The following SGCG variants were observed in gnomAD, a reference collection of about 807,000 sequenced individuals.
The protein encoded by SGCG is sarcoglycan gamma, also known as gamma-sarcoglycan.
Under a neutral mutation model 29.3 loss-of-function variants are expected in SGCG, and 26 were observed. The observed-to-expected ratio is 0.89, with a 90% confidence interval of 0.65 to 1.23. SGCG has a LOEUF of 1.23. Ranked by LOEUF, SGCG falls within the 50% of genes most tolerant of loss-of-function variation. SGCG has a pLI of 0.00. For missense variants in SGCG, 353 were observed against 356.0 expected (o/e 0.99, Z 0.07); for synonymous variants, 145 against 129.7 (o/e 1.12, Z -0.80).
chr13:23,299,444 A>ATTTTTT (rs1566037511), intron 6 of SGCG, among the ~76,000 whole-genome samples: 3 of 5,632 alleles, frequency 5.3e-4, no homozygotes, highest in Non-Finnish European at 1.0e-3. Context: ...ATATATATAT[A>ATTTTTT]TATATATATA....
At chr13:23,260,350 G>A (rs1880376619) in intron 4 of SGCG, among the ~76,000 whole-genome samples, 1 of 152,060 alleles carries the variant, frequency 6.6e-6, no homozygotes, top group South Asian at 2.1e-4. Context: ...TATTTTATCA[G>A]AGACTAGGAT....
chr13:23,305,011 ACAC>A (rs1342745499), intron 6 of SGCG, among the ~76,000 whole-genome samples: 1 of 150,484 alleles, frequency 6.6e-6, no homozygotes, highest in African/African-American at 2.5e-5. Context: ...ACACACACAC[ACAC>A]AAGACTTTGT....
chr13:23,201,421 C>G (rs1014830339), intron 1 of SGCG, among the ~76,000 whole-genome samples: 1 of 152,004 alleles, frequency 6.6e-6, no homozygotes, highest in Non-Finnish European at 1.5e-5. Context: ...AAGGGAAAGA[C>G]CATCCTGGGT....
intron 1 of SGCG, among the ~76,000 whole-genome samples, chr13:23,194,770 C>T (rs746141923): frequency 2.9e-4 from 44 of 152,250 alleles, no homozygotes; most frequent in African/African-American, 9.1e-4. Flanking sequence ...TCCACATGAC[C>T]GATAGCTGGA....
At chr13:23,285,937 A>G (rs1243919817) in intron 5 of SGCG, among the ~76,000 whole-genome samples, 2 of 152,116 alleles carry the variant, frequency 1.3e-5, no homozygotes, top group Non-Finnish European at 2.9e-5. Context: ...CGTGGGCTGC[A>G]CCCACTGTCT....
chr13:23,320,617 G>GTTTT lies in SGCG; in HGVS notation c.579-20_579-19insTTTT. The GTTTT allele has an allele frequency of 1.4e-5, 13 of 912,338 alleles. No homozygotes were observed. The highest frequency in any genetic ancestry group is 8.2e-5 in the South Asian group (4 of 48,666). 56.5% of individuals were successfully genotyped at this position (912,338 alleles called of 1,614,324 possible). On this transcript the variant is annotated intron_variant, in intron 6 of 7. Coordinates refer to ENST00000218867, the MANE Select transcript of SGCG (RefSeq NM_000231.3). ...TAATACTTTTTTTTTTTTTTTTTGT[G>GTTTT]CTTCTTTTCCTCATCTCAGATTAGA...
chr13:23,208,208 TAGTC>T (rs1191713623), intron 2 of SGCG, among the ~76,000 whole-genome samples: 1 of 152,118 alleles, frequency 6.6e-6, no homozygotes, highest in African/African-American at 2.4e-5. Context: ...ATTCAGTTGT[TAGTC>T]AGAATATAGG....
At chr13:23,189,691 A>G (rs951785193) in intron 1 of SGCG, among the ~76,000 whole-genome samples, 1 of 152,192 alleles carries the variant, frequency 6.6e-6, no homozygotes, top group African/African-American at 2.4e-5. Context: ...GAAAACTATC[A>G]CCTTGCTTTC....
chr13:23,262,576 C>G (rs1880483715), intron 4 of SGCG, among the ~76,000 whole-genome samples: 1 of 151,966 alleles, frequency 6.6e-6, no homozygotes, highest in South Asian at 2.1e-4. Context: ...CTTCAATACT[C>G]CACTGACGGC....
intron 4 of SGCG, among the ~76,000 whole-genome samples, chr13:23,261,556 A>G (rs193115697): frequency 6.6e-6 from 1 of 152,216 alleles, no homozygotes; most frequent in African/African-American, 2.4e-5. Context: ...GAGAGAAAAG[A>G]AAAAACAAAA....
intron 1 of SGCG, among the ~76,000 whole-genome samples, chr13:23,195,249 C>A (rs1350117998): frequency 6.6e-6 from 1 of 152,092 alleles, no homozygotes; most frequent in Non-Finnish European, 1.5e-5. Flanking sequence ...CCTAATGACA[C>A]CATAAAAGCT....
chr13:23,238,681 A>G (rs1039633862), intron 3 of SGCG, among the ~76,000 whole-genome samples: 3 of 152,236 alleles, frequency 2.0e-5, no homozygotes, highest in African/African-American at 7.2e-5. Flanking sequence ...GTTCTAAAAA[A>G]CTACATTTCA....
chr13:23,303,847 T>C (rs1882266218), intron 6 of SGCG, among the ~76,000 whole-genome samples: 1 of 152,198 alleles, frequency 6.6e-6, no homozygotes. Flanking sequence ...TTCCCCTCCA[T>C]TGAGGTATAC....
intron 2 of SGCG, among the ~76,000 whole-genome samples, chr13:23,213,429 C>A (rs1285422113): frequency 2.0e-5 from 3 of 152,116 alleles, no homozygotes; most frequent in African/African-American, 4.8e-5. Context: ...TTGCAGTGAG[C>A]CCAGATGGCT....
chr13:23,212,239 T>C (rs1446151088), intron 2 of SGCG, among the ~76,000 whole-genome samples: 1 of 152,184 alleles, frequency 6.6e-6, no homozygotes, highest in Non-Finnish European at 1.5e-5. Flanking sequence ...GGCATTTCGT[T>C]GTAGCAATGC....
At chr13:23,249,022 A>AT (rs1168362198) in intron 3 of SGCG, among the ~76,000 whole-genome samples, 2 of 151,318 alleles carry the variant, frequency 1.3e-5, no homozygotes, top group African/African-American at 4.9e-5. Context: ...ACAAACCTCA[A>AT]TTTTCATTTA....
chr13:23,170,998 A>G, the SGCG span, among the ~76,000 whole-genome samples: 1 of 152,220 alleles, frequency 6.6e-6, no homozygotes, highest in African/African-American at 2.4e-5. Flanking sequence ...GCTTGATTGT[A>G]TAAAAGTGCT....
In SGCG at chr13:23,280,601, G is replaced by T. The variant is rs765045027; in HGVS notation, c.505+1123G>T. On this transcript the variant is annotated intron_variant, in intron 5 of 7. Transcript: ENST00000218867. ...ACAAAGCACCTTAAGCATCAGAAAT[G>T]CACTGTTGTGTAGGATAAAGAATAT... Among the ~76,000 whole-genome samples, 5 of 152,186 alleles carry T rather than the reference G, an allele frequency of 3.3e-5. No homozygotes were observed. The South Asian group carries it at 6.2e-4, about 19-fold the overall frequency.
At chr13:23,274,742 G>A (rs1881006631) in intron 4 of SGCG, among the ~76,000 whole-genome samples, 1 of 152,030 alleles carries the variant, frequency 6.6e-6, no homozygotes, top group African/African-American at 2.4e-5. Flanking sequence ...TTTTATGGCT[G>A]TGAAACTATT....
Sources: allele counts gnomAD v4.1 joint callset (sites outside exome capture counted in the v4.1 genomes callset), GRCh38; gene constraint gnomAD v4.1.1; transcripts MANE v1.5; gene names NCBI Gene and HGNC (gene_info 2026-07-23, HGNC 2026-07-21).